The following TMEM132D variants were observed in gnomAD, a reference collection of about 807,000 sequenced individuals.
The protein encoded by TMEM132D is transmembrane protein 132D, also known as mature OL transmembrane protein.
In TMEM132D, 21 loss-of-function variants were observed where a neutral mutation model predicts 62.3. The observed-to-expected ratio is 0.34, with a 90% confidence interval of 0.24 to 0.49. The LOEUF is 0.49. Ranked by LOEUF, TMEM132D falls within the 20% of genes least tolerant of loss-of-function variation. The pLI, the probability that TMEM132D is intolerant of heterozygous loss-of-function variation, is 0.99. For missense variants in TMEM132D, 1,346 were observed against 1,402.8 expected (o/e 0.96, Z 0.65); for synonymous variants, 621 against 575.6 (o/e 1.08, Z -1.13).
chr12:129,134,166 CTG>C (rs150672060), intron 5 of TMEM132D, among the ~76,000 whole-genome samples: 34 of 137,966 alleles, frequency 2.5e-4, no homozygotes, highest in South Asian at 7.0e-4. Context: ...GTGTGTGTGT[CTG>C]TGTGTGTGTG....
At chr12:129,252,633 C>A (rs911234100) in intron 4 of TMEM132D, among the ~76,000 whole-genome samples, 1 of 152,112 alleles carries the variant, frequency 6.6e-6, no homozygotes, top group Non-Finnish European at 1.5e-5. Context: ...GTCAGTGTGG[C>A]GATTCCTCAG....
chr12:129,540,198 T>C (rs1313701706), intron 2 of TMEM132D, among the ~76,000 whole-genome samples: 6 of 152,092 alleles, frequency 3.9e-5, no homozygotes, highest in Admixed American at 2.6e-4. Flanking sequence ...AGTCAATGCA[T>C]GAGAAGGGTC....
chr12:129,263,796 C>T (rs1054871171), intron 4 of TMEM132D, among the ~76,000 whole-genome samples: 1 of 152,082 alleles, frequency 6.6e-6, no homozygotes, highest in African/African-American at 2.4e-5. Context: ...AGCAGAAAGA[C>T]ACCTGCAGTC....
At chr12:129,206,055 T>C (rs1351257531) in intron 5 of TMEM132D, among the ~76,000 whole-genome samples, 1 of 152,138 alleles carries the variant, frequency 6.6e-6, no homozygotes, top group Non-Finnish European at 1.5e-5. Context: ...AAAGATTTCA[T>C]GAGGAAGATG....
intron 3 of TMEM132D, among the ~76,000 whole-genome samples, chr12:129,508,227 A>C (rs907201586): frequency 6.6e-5 from 10 of 152,168 alleles, no homozygotes; most frequent in African/African-American, 2.4e-4. Context: ...TACTCTCTAC[A>C]AGTTATACAA....
At chr12:129,133,275 G>C (rs1876433848) in intron 5 of TMEM132D, among the ~76,000 whole-genome samples, 1 of 152,200 alleles carries the variant, frequency 6.6e-6, no homozygotes, top group East Asian at 1.9e-4. Context: ...CAAATGTCTA[G>C]GACTTGTTCA....
intron 2 of TMEM132D, among the ~76,000 whole-genome samples, chr12:129,559,604 T>C (rs1333642023): frequency 6.6e-6 from 1 of 152,240 alleles, no homozygotes; most frequent in East Asian, 1.9e-4. Context: ...GGTAAATCTC[T>C]ATTTTAATTT....
intron 4 of TMEM132D, among the ~76,000 whole-genome samples, chr12:129,288,011 A>G (rs918902167): frequency 6.6e-6 from 1 of 152,174 alleles, no homozygotes; most frequent in African/African-American, 2.4e-5. Flanking sequence ...CTTTCTCAAG[A>G]TTGTTTTGAC....
chr12:129,654,037 G>T (rs900034891), intron 2 of TMEM132D, among the ~76,000 whole-genome samples: 1 of 152,076 alleles, frequency 6.6e-6, no homozygotes, highest in African/African-American at 2.4e-5. Flanking sequence ...AGGACTACTG[G>T]TCAGTTACTT....
Position 129,173,088 on chromosome 12 carries a change from A to C in TMEM132D, c.1443+36432T>G, listed in dbSNP as rs181546000. On this transcript the variant is annotated intron_variant, in intron 5 of 8. Transcript: ENST00000422113. ...CAGATCACCATAACAGGTATAATAAAAAAGAAAAAGCTTGATATATTGTGA... is the reference window on the plus strand; with the variant it reads ...CAGATCACCATAACAGGTATAATAACAAAGAAAAAGCTTGATATATTGTGA... 2.0e-5 allele frequency among the ~76,000 whole-genome samples: 3 copies of C among 152,214 alleles called. 1 individual carries two copies. The East Asian group carries it at 5.8e-4, about 29-fold the overall frequency.
At chr12:129,885,193 G>C (rs751017294) in intron 1 of TMEM132D, among the ~76,000 whole-genome samples, 6 of 152,136 alleles carry the variant, frequency 3.9e-5, no homozygotes, top group Admixed American at 1.3e-4. Flanking sequence ...CTTGATTTTG[G>C]CAACGGTTAC....
chr12:129,765,667 A>C (rs1870527994), intron 1 of TMEM132D, among the ~76,000 whole-genome samples: 1 of 151,884 alleles, frequency 6.6e-6, no homozygotes, highest in South Asian at 2.1e-4. Flanking sequence ...CCTTTTGTGG[A>C]TACCCTTGTG....
At chr12:129,847,300 C>T (rs944265245) in intron 1 of TMEM132D, among the ~76,000 whole-genome samples, 1 of 152,194 alleles carries the variant, frequency 6.6e-6, no homozygotes, top group Admixed American at 6.5e-5. Flanking sequence ...CTTACCTCCT[C>T]AGCCTCTTTG....
At chr12:129,564,828 G>A (rs1877324639) in intron 2 of TMEM132D, among the ~76,000 whole-genome samples, 1 of 152,184 alleles carries the variant, frequency 6.6e-6, no homozygotes, top group Non-Finnish European at 1.5e-5. Flanking sequence ...GCAATGATGG[G>A]TATTGTTGTC....
At chr12:129,487,102 A>G (rs1345329773) in intron 3 of TMEM132D, among the ~76,000 whole-genome samples, 1 of 151,936 alleles carries the variant, frequency 6.6e-6, no homozygotes, top group Admixed American at 6.6e-5. Flanking sequence ...GTGATGTTTC[A>G]GCTGAACCTT....
chr12:129,292,787 G>C (rs988386220), intron 4 of TMEM132D, among the ~76,000 whole-genome samples: 1 of 152,108 alleles, frequency 6.6e-6, no homozygotes, highest in African/African-American at 2.4e-5. Flanking sequence ...AGAAAGTAGA[G>C]GAGAAAATGA....
At chr12:129,349,134 A>G (rs1387219811) in intron 3 of TMEM132D, among the ~76,000 whole-genome samples, 1 of 152,192 alleles carries the variant, frequency 6.6e-6, no homozygotes, top group East Asian at 1.9e-4. Context: ...AGCTGCAAAC[A>G]GTAGTATCTT....
chr12:129,647,439 G>A (rs483208), intron 2 of TMEM132D, among the ~76,000 whole-genome samples: 73 of 152,194 alleles, frequency 4.8e-4, no homozygotes, highest in African/African-American at 1.7e-3. Context: ...TCTGACTTCA[G>A]ATGTAGGAGA....
chr12:129,423,119 G>C (rs1872378490), intron 3 of TMEM132D, among the ~76,000 whole-genome samples: 2 of 151,694 alleles, frequency 1.3e-5, no homozygotes, highest in Non-Finnish European at 2.9e-5. Context: ...ACCTGGAAGA[G>C]TACACAGAAC....
Sources: gnomAD v4.1 joint callset for allele counts (sites outside exome capture counted in the v4.1 genomes callset) on GRCh38, gnomAD v4.1.1 for gene constraint, MANE v1.5 for transcripts, NCBI Gene and HGNC (gene_info 2026-07-23, HGNC 2026-07-21) for gene names.